B3GALT1: variants seen among roughly 807,000 people sequenced by gnomAD.
The protein encoded by B3GALT1 is beta-1,3-galactosyltransferase 1, also known as UDP-Gal:betaGlcNAc beta 1,3-galactosyltransferase, polypeptide 1.
In B3GALT1, 10 loss-of-function variants were observed where a neutral mutation model predicts 23.2. The observed-to-expected ratio is 0.43, with a 90% CI of 0.27 to 0.73. The LOEUF (loss-of-function observed/expected upper bound fraction) is 0.73. B3GALT1 is among the 30% of genes least tolerant of loss of function. The probability of loss-of-function intolerance (pLI) is 0.21; values close to 1 mark genes in which losing one functional copy is unlikely to be tolerated. For synonymous variants in B3GALT1, 156 were observed against 141.5 expected, an observed-to-expected ratio of 1.10 and a Z score of -0.73; for missense variants, 299 against 405.4, an observed-to-expected ratio of 0.74 and a Z score of 2.25.
intron 3 of B3GALT1, among the ~76,000 whole-genome samples, chr2:167,716,228 C>CCACAGGCCT (rs1687145459): frequency 6.6e-6 from 1 of 152,228 alleles, no homozygotes; most frequent in South Asian, 2.1e-4. Context: ...CGGGCACCCC[C>CCACAGGCCT]CACAGGCCTC....
At chr2:167,761,542 A>G (rs946086630) in intron 3 of B3GALT1, among the ~76,000 whole-genome samples, 3 of 152,134 alleles carry the variant, frequency 2.0e-5, no homozygotes, top group African/African-American at 7.2e-5. Context: ...TCATTTGTCA[A>G]CTGGACTTTA....
intron 1 of B3GALT1, among the ~76,000 whole-genome samples, chr2:167,370,395 A>G (rs1414567152): frequency 2.0e-5 from 3 of 152,058 alleles, no homozygotes; most frequent in South Asian, 2.1e-4. Flanking sequence ...ATTTCATTCA[A>G]CAAAGGTTTA....
chr2:167,587,103 G>A (rs1343156649), intron 2 of B3GALT1, among the ~76,000 whole-genome samples: 1 of 152,084 alleles, frequency 6.6e-6, no homozygotes, highest in African/African-American at 2.4e-5. Flanking sequence ...CTACTCTTGT[G>A]TCTAATCTCA....
chr2:167,458,858 C>T (rs1297354267), intron 1 of B3GALT1, among the ~76,000 whole-genome samples: 1 of 152,088 alleles, frequency 6.6e-6, no homozygotes, highest in Non-Finnish European at 1.5e-5. Flanking sequence ...TTTGTATTGA[C>T]TGTATCCTGA....
intron 3 of B3GALT1, among the ~76,000 whole-genome samples, chr2:167,797,343 T>C (rs1688560732): frequency 6.6e-6 from 1 of 152,272 alleles, no homozygotes; most frequent in African/African-American, 2.4e-5. Flanking sequence ...TTCCATGGTG[T>C]ATATGTACCA....
chr2:167,829,294 C>T (rs190923238), intron 4 of B3GALT1, among the ~76,000 whole-genome samples: 11 of 152,016 alleles, frequency 7.2e-5, no homozygotes, highest in Admixed American at 5.9e-4. Context: ...CCAGCCTGGC[C>T]AACATAGTGA....
chr2:167,518,863 G>A (rs1700141860), intron 2 of B3GALT1, among the ~76,000 whole-genome samples: 1 of 151,868 alleles, frequency 6.6e-6, no homozygotes, highest in Non-Finnish European at 1.5e-5. Context: ...TCTACTGATG[G>A]AAGCACATTG....
chr2:167,812,971 ACACACACG>A (rs1262707586), intron 3 of B3GALT1, among the ~76,000 whole-genome samples: 29 of 142,146 alleles, frequency 2.0e-4, no homozygotes, highest in Non-Finnish European at 3.9e-4. Context: ...ACACACACAC[ACACACACG>A]CACCACCACC....
At chr2:167,648,330 T>C (rs549191759) in intron 3 of B3GALT1, among the ~76,000 whole-genome samples, 1 of 152,212 alleles carries the variant, frequency 6.6e-6, no homozygotes, top group East Asian at 1.9e-4. Flanking sequence ...CCAAGATTCA[T>C]ATCCAAACTC....
intron 3 of B3GALT1, among the ~76,000 whole-genome samples, chr2:167,799,664 A>G (rs1309576451): frequency 1.3e-5 from 2 of 152,240 alleles, no homozygotes; most frequent in African/African-American, 4.8e-5. Context: ...TTTCAAACCA[A>G]ATCATTAAAC....
intron 2 of B3GALT1, among the ~76,000 whole-genome samples, chr2:167,512,579 T>TAC (rs199518665): frequency 0.35 from 34,776 of 99,166 alleles, 7,882 homozygotes; most frequent in East Asian, 0.81. Flanking sequence ...TATATATATA[T>TAC]GTATATATAT....
chr2:167,355,398 A>C (rs1329552218), intron 1 of B3GALT1, among the ~76,000 whole-genome samples: 3 of 152,250 alleles, frequency 2.0e-5, no homozygotes, highest in Middle Eastern at 3.2e-3. Flanking sequence ...GCTTTCATAG[A>C]GTATTCTGGG....
chr2:167,376,814 G>A (rs1381002444), intron 1 of B3GALT1, among the ~76,000 whole-genome samples: 1 of 151,912 alleles, frequency 6.6e-6, no homozygotes, highest in Non-Finnish European at 1.5e-5. Context: ...TGGATTCTTT[G>A]TATGGATTTG....
At chr2:167,816,653 T>C (rs1443440429) in intron 3 of B3GALT1, among the ~76,000 whole-genome samples, 1 of 152,190 alleles carries the variant, frequency 6.6e-6, no homozygotes, top group Admixed American at 6.5e-5. Flanking sequence ...TATGTTTTTT[T>C]CCACTCTTTC....
In B3GALT1 at chr2:167,599,316, G is replaced by C. The variant is rs368883970; in HGVS notation, c.-409-47593G>C. Reference sequence around the variant, plus strand: ...AGAGTCTGGAGTATAAGTCATAATAGAAGATAAAAAAGAAGTGGAAAATAA... The same window carrying C: ...AGAGTCTGGAGTATAAGTCATAATACAAGATAAAAAAGAAGTGGAAAATAA... On this transcript the variant is annotated intron_variant, in intron 2 of 4. Coordinates refer to ENST00000392690, the MANE Select transcript of B3GALT1 (RefSeq NM_020981.4). 5.9e-5 allele frequency among the ~76,000 whole-genome samples: 9 copies of C among 152,250 alleles called. No homozygotes were observed. The South Asian group carries it at 1.9e-3, about 32-fold the overall frequency.
At chr2:167,495,139 G>C (rs1699764061) in intron 2 of B3GALT1, among the ~76,000 whole-genome samples, 1 of 152,114 alleles carries the variant, frequency 6.6e-6, no homozygotes, top group Non-Finnish European at 1.5e-5. Flanking sequence ...GATTATTTGG[G>C]AGGGCCTTCT....
At chr2:167,588,588 A>G (rs181063614) in intron 2 of B3GALT1, among the ~76,000 whole-genome samples, 7 of 152,198 alleles carry the variant, frequency 4.6e-5, no homozygotes, top group East Asian at 1.9e-4. Context: ...TAGCATCTCA[A>G]TATTTTACTT....
intron 3 of B3GALT1, among the ~76,000 whole-genome samples, chr2:167,747,828 G>T (rs182838375): frequency 2.4e-3 from 370 of 152,302 alleles, no homozygotes; most frequent in Non-Finnish European, 4.0e-3. Context: ...GTTGTTTATT[G>T]CATTTGCAAA....
intron 3 of B3GALT1, among the ~76,000 whole-genome samples, chr2:167,708,210 A>G (rs1349595709): frequency 2.6e-5 from 4 of 152,224 alleles, no homozygotes; most frequent in African/African-American, 9.6e-5. Context: ...AAGCCAACAG[A>G]CAAATTTTAC....
Sources: allele counts gnomAD v4.1 joint callset (sites outside exome capture counted in the v4.1 genomes callset), GRCh38; gene constraint gnomAD v4.1.1; transcripts MANE v1.5; gene names NCBI Gene and HGNC (gene_info 2026-07-23, HGNC 2026-07-21).